The following USP34 variants were observed in gnomAD, a reference collection of about 807,000 sequenced individuals.
USP34 encodes the protein ubiquitin carboxyl-terminal hydrolase 34.
In USP34, 70 loss-of-function variants were observed where a neutral mutation model predicts 460.3. That is an observed-to-expected ratio of 0.15 (90% CI 0.13 to 0.19). The LOEUF is 0.19. Ranked by LOEUF, USP34 falls within the 10% of genes least tolerant of loss-of-function variation. The pLI, the probability that USP34 is intolerant of heterozygous loss-of-function variation, is 1.00. For synonymous variants in USP34, 1,647 were observed against 1,405.3 expected (o/e 1.17, Z -3.85); for missense variants, 3,985 against 4,236.2 (o/e 0.94, Z 1.65).
intron 41 of USP34, among the ~76,000 whole-genome samples, chr2:61,266,659 T>C (rs991495941): frequency 6.6e-6 from 1 of 152,208 alleles, no homozygotes; most frequent in African/African-American, 2.4e-5. Flanking sequence ...TTTCCACTTA[T>C]TCTTTTCTAA....
rs970997261 is a variant in USP34, at chr2:61,394,936, G to C, written c.670C>G (p.Leu224Val). ...CLFCGKNGLS[L>V]MKDCFEYGTP... ...CCATATTCAAAGCAATCCTTCATGA[G>C]AGAAAGGCCATTTTTCCCACAAAAC... Residue 224 changes from leucine (L) to valine (V), a missense_variant, in exon 5 of 80, where the codon CTC (leucine) becomes GTC (valine). Coordinates refer to ENST00000398571, the MANE Select transcript of USP34 (RefSeq NM_014709.4). The C allele has an allele frequency of 1.4e-5, 23 of 1,608,468 alleles. No homozygotes were observed. Among genetic ancestry groups the C allele is most frequent in the Non-Finnish European group, 1.8e-5 (21 of 1,178,164 alleles).
At chr2:61,267,372 G>C (rs532035201) in intron 41 of USP34, among the ~76,000 whole-genome samples, 2 of 151,728 alleles carry the variant, frequency 1.3e-5, no homozygotes, top group African/African-American at 4.8e-5. Context: ...TATTGTTAAA[G>C]AATGTGTAAT....
chr2:61,396,068 A>C (rs1693514738), intron 3 of USP34, among the ~76,000 whole-genome samples: 1 of 151,996 alleles, frequency 6.6e-6, no homozygotes, highest in Non-Finnish European at 1.5e-5. Context: ...AAAAAAAAAA[A>C]AGGTTTAAAA....
intron 58 of USP34, 86 bp from the exon 59 acceptor site, chr2:61,229,719 C>T: frequency 1.7e-6 from 2 of 1,172,252 alleles, no homozygotes; most frequent in South Asian, 2.6e-5. Flanking sequence ...AATTCTCTGC[C>T]ACCCATTTAT....
intron 27 of USP34, among the ~76,000 whole-genome samples, chr2:61,309,536 CTA>C (rs1465774682): frequency 1.3e-5 from 2 of 152,136 alleles, no homozygotes; most frequent in African/African-American, 2.4e-5. Context: ...ACTATCTTCT[CTA>C]TGTTACAAAA....
chr2:61,465,715 C>T (rs545473451), intron 1 of USP34, among the ~76,000 whole-genome samples: 2 of 152,232 alleles, frequency 1.3e-5, no homozygotes, highest in South Asian at 2.1e-4. Flanking sequence ...CGGTGGCTCA[C>T]GCCTGTAATG....
chr2:61,297,631 C>A (rs1240905906), intron 29 of USP34, among the ~76,000 whole-genome samples: 1 of 152,204 alleles, frequency 6.6e-6, no homozygotes, highest in Non-Finnish European at 1.5e-5. Context: ...CTGCTACTAT[C>A]ACAGTGATTC....
intron 10 of USP34, among the ~76,000 whole-genome samples, chr2:61,365,434 T>C (rs1305501188): frequency 6.6e-6 from 1 of 151,636 alleles, no homozygotes; most frequent in Non-Finnish European, 1.5e-5. Flanking sequence ...ACAAACCACA[T>C]GAGAGAAAAA....
rs556397208 is a variant in USP34, at chr2:61,375,517, C to A, written c.1076+2846G>T. Reference sequence around the variant, plus strand: ...GGGCGCGGTGGCTCACGCCTGTAATCCCAGCACTTTGGGAGGCCAAGGCAG... The same window carrying A: ...GGGCGCGGTGGCTCACGCCTGTAATACCAGCACTTTGGGAGGCCAAGGCAG... On this transcript the variant is annotated intron_variant, in intron 8 of 79. Transcript: ENST00000398571. Among the ~76,000 whole-genome samples the A allele has an allele frequency of 3.9e-5, 6 of 152,122 alleles. 1 individual carries two copies. In the South Asian group the frequency reaches 1.0e-3, roughly 26 times the overall value.
chr2:61,307,813 C>T (rs1207879830), intron 27 of USP34, among the ~76,000 whole-genome samples: 2 of 151,108 alleles, frequency 1.3e-5, no homozygotes, highest in Admixed American at 1.3e-4. Flanking sequence ...TTTGGACGGC[C>T]AAGGGGGGAG....
chr2:61,306,872 G>C (rs577843028), intron 27 of USP34, among the ~76,000 whole-genome samples: 2 of 152,142 alleles, frequency 1.3e-5, no homozygotes, highest in Non-Finnish European at 2.9e-5. Flanking sequence ...TGGTGGGACT[G>C]TAAACTAGTT....
intron 3 of USP34, among the ~76,000 whole-genome samples, chr2:61,403,992 CAAAA>C (rs71405114): frequency 3.4e-5 from 1 of 29,110 alleles, no homozygotes; most frequent in Non-Finnish European, 7.4e-5. Context: ...GACTCTATCT[CAAAA>C]AAAAAAAAAA....
Position 61,188,483 on chromosome 2 carries a change from T to C in USP34, c.10260A>G (p.Pro3420=). Reference sequence around the variant, plus strand: ...TTGACATGTCTTCTGAAAACGAAGATGGAACTTCCATTCGGTATTCTTTAA... The same window carrying C: ...TTGACATGTCTTCTGAAAACGAAGACGGAACTTCCATTCGGTATTCTTTAA... ...SSVKEYRMEV[P]SSFSEDMSNI... is the part of the protein sequence containing the mutation. Residue 3420 remains proline (P), a synonymous_variant, in exon 80 of 80, where the codon CCA becomes CCG. Transcript: ENST00000398571. The C allele has an allele frequency of 6.2e-7, 1 of 1,614,226 alleles. No homozygotes were observed. The highest frequency in any genetic ancestry group is 8.5e-7 in the Non-Finnish European group (1 of 1,180,020).
At chr2:61,453,924 A>C (rs1261669579) in intron 1 of USP34, among the ~76,000 whole-genome samples, 3 of 152,030 alleles carry the variant, frequency 2.0e-5, no homozygotes, top group Non-Finnish European at 4.4e-5. Flanking sequence ...TTTTGGGTAG[A>C]AACAGGGTTT....
intron 19 of USP34, 146 bp downstream of exon 19, chr2:61,333,736 T>C: frequency 2.2e-6 from 1 of 462,306 alleles, no homozygotes; most frequent in Non-Finnish European, 3.7e-6. Flanking sequence ...CAGGGGTAAG[T>C]GGCAGAAAAA....
chr2:61,408,057 G>C (rs956559471), intron 2 of USP34, among the ~76,000 whole-genome samples: 2 of 152,190 alleles, frequency 1.3e-5, no homozygotes, highest in Non-Finnish European at 2.9e-5. Flanking sequence ...AAAGATTGCA[G>C]TGAGCCGAGA....
chr2:61,222,227 A>AT (rs1687607812), intron 65 of USP34, among the ~76,000 whole-genome samples: 1 of 152,240 alleles, frequency 6.6e-6, no homozygotes, highest in South Asian at 2.1e-4. Context: ...TAAAATAGCT[A>AT]TAGCATTTCC....
chr2:61,465,838 G>A lies in USP34; in HGVS notation c.43+4812C>T, dbSNP rs922752101. Among the ~76,000 whole-genome samples the A allele has an allele frequency of 3.9e-5, 6 of 151,926 alleles. No homozygotes were observed. In the South Asian group the frequency reaches 6.2e-4, roughly 16 times the overall value. On this transcript the variant is annotated intron_variant, in intron 1 of 79. Coordinates refer to ENST00000398571, the MANE Select transcript of USP34 (RefSeq NM_014709.4). ...TAAATATACAAAAAATTAGCCGGGC[G>A]TGGTAGCGGGCGCCTGTAGTTCCAG...
intron 23 of USP34, among the ~76,000 whole-genome samples, chr2:61,316,232 C>G (rs1295842517): frequency 6.6e-6 from 1 of 151,546 alleles, no homozygotes; most frequent in East Asian, 1.9e-4. Context: ...CTGAAAAAAC[C>G]TATTCAGACA....
Sources: gnomAD v4.1 joint callset for allele counts (sites outside exome capture counted in the v4.1 genomes callset) on GRCh38, gnomAD v4.1.1 for gene constraint, MANE v1.5 for transcripts, NCBI Gene and HGNC (gene_info 2026-07-23, HGNC 2026-07-21) for gene names.